ARHGAP10: variants seen among roughly 807,000 people sequenced by gnomAD.
The protein encoded by ARHGAP10 is Rho GTPase activating protein 10.
In ARHGAP10, 87 loss-of-function variants were observed where a neutral mutation model predicts 108.6. The observed-to-expected ratio is 0.80, with a 90% confidence interval of 0.67 to 0.96. The LOEUF (loss-of-function observed/expected upper bound fraction) is 0.96. Ranked by LOEUF, ARHGAP10 falls within the 40% of genes least tolerant of loss-of-function variation. ARHGAP10 has a pLI of 0.00. For missense variants in ARHGAP10, 939 were observed against 954.5 expected (o/e 0.98, Z 0.21); for synonymous variants, 347 against 341.1 (o/e 1.02, Z -0.19).
chr4:148,051,471 C>T (rs889665707), intron 20 of ARHGAP10, among the ~76,000 whole-genome samples: 5 of 152,156 alleles, frequency 3.3e-5, no homozygotes, highest in African/African-American at 9.7e-5. Flanking sequence ...TAAGAAATAT[C>T]GGGCATTGCT....
At chr4:147,950,833 C>A (rs1738571369) in intron 15 of ARHGAP10, among the ~76,000 whole-genome samples, 1 of 152,032 alleles carries the variant, frequency 6.6e-6, no homozygotes, top group South Asian at 2.1e-4. Flanking sequence ...TGTGAGGGGA[C>A]AAATGAGTGG....
chr4:147,942,666 G>T (rs1341813111), intron 14 of ARHGAP10, among the ~76,000 whole-genome samples: 2 of 151,776 alleles, frequency 1.3e-5, no homozygotes, highest in East Asian at 3.9e-4. Flanking sequence ...TTCCCAGCTG[G>T]CATGAAATAG....
At chr4:148,046,414 A>T (rs1356451549) in intron 19 of ARHGAP10, among the ~76,000 whole-genome samples, 1 of 152,248 alleles carries the variant, frequency 6.6e-6, no homozygotes, top group African/African-American at 2.4e-5. Flanking sequence ...TAGAAATTAT[A>T]ATCCAAGATA....
At chr4:147,781,268 C>T (rs866388790) in intron 1 of ARHGAP10, among the ~76,000 whole-genome samples, 12 of 151,982 alleles carry the variant, frequency 7.9e-5, no homozygotes, top group Admixed American at 7.2e-4. Context: ...CACTTGAACC[C>T]GGGAGGTGGG....
At position 147,732,370 on chromosome 4, in the gene ARHGAP10, C is replaced by T; in HGVS notation, c.69C>T (p.Arg23=). The T allele has an allele frequency of 1.2e-6, 2 of 1,613,504 alleles. No individual in the cohort carries two copies. The highest frequency in any genetic ancestry group is 2.7e-5 in the African/African-American group (2 of 74,990). The change falls in exon 1 of 23, where the codon CGC becomes CGT. Residue 23 remains arginine (R), a synonymous_variant. Transcript: ENST00000336498. Reference sequence around the variant, plus strand: ...GCCCGTGGTTCCGGGAGAGGATCCGCGCTCACGAAGCGGAACTCGAGAGGA... The same window carrying T: ...GCCCGTGGTTCCGGGAGAGGATCCGTGCTCACGAAGCGGAACTCGAGAGGA... The part of the protein sequence containing the change: ...LDSPWFRERI[R]AHEAELERTN...
intron 1 of ARHGAP10, among the ~76,000 whole-genome samples, chr4:147,784,109 A>G (rs1730697867): frequency 7.3e-6 from 1 of 137,550 alleles, no homozygotes; most frequent in African/African-American, 2.6e-5. Flanking sequence ...ATTGTGTATT[A>G]TATAATTTAC....
intron 7 of ARHGAP10, among the ~76,000 whole-genome samples, chr4:147,870,847 A>G (rs1734786555): frequency 6.6e-6 from 1 of 152,094 alleles, no homozygotes; most frequent in African/African-American, 2.4e-5. Context: ...GATAACAAGA[A>G]TGGGTAGGAA....
intron 1 of ARHGAP10, among the ~76,000 whole-genome samples, chr4:147,809,830 C>T (rs563440379): frequency 2.8e-4 from 43 of 152,262 alleles, no homozygotes; most frequent in Middle Eastern, 6.8e-3. Flanking sequence ...AATAGGGTCA[C>T]GCTCCTCTGA....
In ARHGAP10 at chr4:147,965,019, G is replaced by A. The variant is rs769856855; in HGVS notation, c.1451-5G>A. ...TTTTCTTTATTATTATTTTTTTTTT[G>A]GAAGAAAGCGGCAGCCCAGAATCTC... On this transcript the variant is annotated splice_region_variant and splice_polypyrimidine_tract_variant and intron_variant, in intron 16 of 22. Coordinates refer to ENST00000336498, the MANE Select transcript of ARHGAP10 (RefSeq NM_024605.4). 6.8e-7 allele frequency: 1 copy of A among 1,466,358 alleles called. No individual in the cohort carries two copies. Among genetic ancestry groups the A allele is most frequent in the Non-Finnish European group, 9.0e-7 (1 of 1,106,856 alleles). 90.8% of individuals were successfully genotyped at this position (1,466,358 alleles called of 1,614,324 possible).
intron 1 of ARHGAP10, among the ~76,000 whole-genome samples, chr4:147,818,997 G>T (rs943526648): frequency 6.6e-6 from 1 of 152,152 alleles, no homozygotes; most frequent in Non-Finnish European, 1.5e-5. Flanking sequence ...ATGAAGAAAT[G>T]ATATAACTAT....
chr4:147,891,530 A>G (rs1219737039), intron 10 of ARHGAP10, among the ~76,000 whole-genome samples: 1 of 152,102 alleles, frequency 6.6e-6, no homozygotes, highest in Non-Finnish European at 1.5e-5. Flanking sequence ...TCTAAAATTG[A>G]TTTTGGTGAT....
chr4:148,059,268 T>G (rs1228703496), intron 20 of ARHGAP10, among the ~76,000 whole-genome samples: 1 of 152,194 alleles, frequency 6.6e-6, no homozygotes, highest in Non-Finnish European at 1.5e-5. Flanking sequence ...AAACGTGGTT[T>G]CTGAGCTTTT....
chr4:147,985,867 A>C (rs1228324832), intron 18 of ARHGAP10, among the ~76,000 whole-genome samples: 1 of 152,208 alleles, frequency 6.6e-6, no homozygotes, highest in Non-Finnish European at 1.5e-5. Context: ...CCTAGCAGTA[A>C]GGGAAATGAC....
Position 147,915,061 on chromosome 4 carries a change from G to A in ARHGAP10, c.1228+1922G>A, listed in dbSNP as rs182920634. 2.0e-5 allele frequency among the ~76,000 whole-genome samples: 3 copies of A among 152,216 alleles called. No individual in the cohort carries two copies. The East Asian group carries it at 5.8e-4, about 29-fold the overall frequency. ...CAGTCCGACTTTGGATGCCTTAGTG[G>A]GGTGAAGTACTGCCTTCACATTCTC... On this transcript the variant is annotated intron_variant, in intron 13 of 22. Transcript: ENST00000336498.
At chr4:147,915,050 A>T (rs992598360) in intron 13 of ARHGAP10, among the ~76,000 whole-genome samples, 4 of 152,284 alleles carry the variant, frequency 2.6e-5, no homozygotes, top group African/African-American at 9.6e-5. Context: ...CCGACTTTGG[A>T]TGCCTTAGTG....
chr4:147,989,737 C>A (rs543166210), intron 18 of ARHGAP10, among the ~76,000 whole-genome samples: 1 of 152,290 alleles, frequency 6.6e-6, no homozygotes, highest in African/African-American at 2.4e-5. Flanking sequence ...ATTGCTCAAA[C>A]ACACATGCTG....
chr4:147,793,148 AAATG>A (rs1280847945), intron 1 of ARHGAP10, among the ~76,000 whole-genome samples: 4 of 151,668 alleles, frequency 2.6e-5, no homozygotes, highest in Non-Finnish European at 5.9e-5. Flanking sequence ...GAAAAAAAGA[AAATG>A]TGTGTGTATG....
intron 19 of ARHGAP10, among the ~76,000 whole-genome samples, chr4:148,046,604 T>A (rs948921911): frequency 2.0e-5 from 3 of 152,218 alleles, no homozygotes; most frequent in African/African-American, 7.2e-5. Flanking sequence ...CTCCGTATAG[T>A]GAGGAAGTCA....
chr4:147,851,396 G>A (rs891422425), intron 4 of ARHGAP10, among the ~76,000 whole-genome samples: 3 of 151,838 alleles, frequency 2.0e-5, no homozygotes, highest in Admixed American at 6.6e-5. Flanking sequence ...AATTATTTTT[G>A]TAGAGACGGT....
Sources: gnomAD v4.1 joint callset for allele counts (sites outside exome capture counted in the v4.1 genomes callset) on GRCh38, gnomAD v4.1.1 for gene constraint, MANE v1.5 for transcripts, NCBI Gene and HGNC (gene_info 2026-07-23, HGNC 2026-07-21) for gene names.